The following WDFY2 variants were observed in gnomAD, a reference collection of about 807,000 sequenced individuals.
WDFY2 encodes the protein WD repeat and FYVE domain containing 2.
A neutral mutation model predicts 56.4 loss-of-function variants in WDFY2; 36 were observed. The ratio of observed to expected loss-of-function variants is 0.64; its 90% CI spans 0.49 to 0.84. The LOEUF (loss-of-function observed/expected upper bound fraction) is 0.84, where lower values mean the gene tolerates loss of function less well. WDFY2 is among the 40% of genes least tolerant of loss of function. WDFY2 has a pLI of 0.00. For missense variants in WDFY2, 444 were observed against 512.2 expected (o/e 0.87, Z 1.29); for synonymous variants, 176 against 183.7 (o/e 0.96, Z 0.34).
intron 5 of WDFY2, among the ~76,000 whole-genome samples, chr13:51,721,030 A>G (rs1054719241): frequency 6.6e-6 from 1 of 151,998 alleles, no homozygotes; most frequent in Admixed American, 6.6e-5. Context: ...GGATGTGTTA[A>G]TTAATTTGAC....
chr13:51,661,358 T>A (rs1436211658), intron 2 of WDFY2, among the ~76,000 whole-genome samples: 1 of 152,214 alleles, frequency 6.6e-6, no homozygotes, highest in African/African-American at 2.4e-5. Context: ...CATGTTTATT[T>A]TAGCACAAAA....
chr13:51,657,561 C>T (rs868726231), intron 1 of WDFY2, among the ~76,000 whole-genome samples: 17 of 152,286 alleles, frequency 1.1e-4, no homozygotes, highest in Middle Eastern at 6.8e-3. Flanking sequence ...ATTCATCTGT[C>T]TTACTATAGG....
chr13:51,745,812 G>A (rs931474547), intron 7 of WDFY2, among the ~76,000 whole-genome samples: 4 of 145,638 alleles, frequency 2.7e-5, no homozygotes, highest in Non-Finnish European at 6.0e-5. Context: ...TATTGGTACA[G>A]TAAAGAGTGT....
At chr13:51,757,738 A>T (rs528697728) in intron 10 of WDFY2, among the ~76,000 whole-genome samples, 2 of 152,170 alleles carry the variant, frequency 1.3e-5, no homozygotes, top group Admixed American at 1.3e-4. Flanking sequence ...GTCTTCAGTC[A>T]TACCAGTGAA....
chr13:51,675,374 A>C, intron 3 of WDFY2, 131 bp downstream of exon 3: 1 of 766,606 alleles, frequency 1.3e-6, no homozygotes. Context: ...GCAGCGTAGC[A>C]AATTATGGCG....
At chr13:51,595,848 G>A (rs1393094151) in intron 1 of WDFY2, among the ~76,000 whole-genome samples, 1 of 152,160 alleles carries the variant, frequency 6.6e-6, no homozygotes, top group African/African-American at 2.4e-5. Context: ...GTGGGTATTG[G>A]TAAATTAAGG....
chr13:51,628,093 G>A lies in WDFY2; in HGVS notation c.138-32503G>A, dbSNP rs1954871653. ...TGTCTTGAAGGTGGGGTTTCACTGG[G>A]GACCCACCCCTTTCTGCCCAGGAAC... On this transcript the variant is annotated intron_variant, in intron 1 of 11. Coordinates refer to ENST00000298125, the MANE Select transcript of WDFY2 (RefSeq NM_052950.4). 3.3e-5 allele frequency among the ~76,000 whole-genome samples: 5 copies of A among 152,168 alleles called. No individual in the cohort carries two copies. In the South Asian group the frequency reaches 8.3e-4, roughly 25 times the overall value.
At chr13:51,655,499 C>T (rs144909246) in intron 1 of WDFY2, among the ~76,000 whole-genome samples, 1 of 151,740 alleles carries the variant, frequency 6.6e-6, no homozygotes, top group Admixed American at 6.6e-5. Flanking sequence ...TGATTGATTT[C>T]TCTTATATTG....
At chr13:51,749,676 T>C (rs1005347167) in intron 7 of WDFY2, among the ~76,000 whole-genome samples, 1 of 152,110 alleles carries the variant, frequency 6.6e-6, no homozygotes, top group Non-Finnish European at 1.5e-5. Flanking sequence ...CACTATAGCA[T>C]AGAAAAATAA....
chr13:51,677,763 G>A (rs1348063442), intron 3 of WDFY2, among the ~76,000 whole-genome samples: 1 of 152,022 alleles, frequency 6.6e-6, no homozygotes, highest in East Asian at 1.9e-4. Flanking sequence ...AGGAGAGAGA[G>A]TGTGAGTACT....
chr13:51,594,787 C>A (rs765586621), intron 1 of WDFY2, among the ~76,000 whole-genome samples: 1 of 152,188 alleles, frequency 6.6e-6, no homozygotes, highest in African/African-American at 2.4e-5. Context: ...GGGAGGTTTA[C>A]ATGAGATGAT....
chr13:51,707,811 A>G (rs750521596), intron 4 of WDFY2, among the ~76,000 whole-genome samples: 234 of 152,262 alleles, frequency 1.5e-3, no homozygotes, highest in Middle Eastern at 0.01. Flanking sequence ...GTGCAACAAT[A>G]ACACAAAGAT....
intron 3 of WDFY2, among the ~76,000 whole-genome samples, chr13:51,678,899 C>T (rs1355952498): frequency 6.6e-6 from 1 of 152,112 alleles, no homozygotes; most frequent in African/African-American, 2.4e-5. Context: ...TCTAGGGCAG[C>T]TCCCTGAATA....
At chr13:51,589,715 C>T (rs1696949896) in intron 1 of WDFY2, 1 of 152,182 alleles carries the variant, frequency 6.6e-6, no homozygotes, top group South Asian at 2.1e-4. Flanking sequence ...AGTGAGCGCT[C>T]TGAAGTCAGC....
intron 4 of WDFY2, among the ~76,000 whole-genome samples, chr13:51,718,262 T>C (rs1952404418): frequency 6.6e-6 from 1 of 152,152 alleles, no homozygotes; most frequent in Non-Finnish European, 1.5e-5. Flanking sequence ...TCAGTCTTTG[T>C]TCATTCCAGT....
At chr13:51,729,041 C>T (rs1475098546) in intron 6 of WDFY2, among the ~76,000 whole-genome samples, 5 of 152,202 alleles carry the variant, frequency 3.3e-5, no homozygotes, top group Non-Finnish European at 7.3e-5. Context: ...GTCTCTTCCC[C>T]TGCATCACCT....
intron 9 of WDFY2, 90 bp from the exon 10 acceptor site, chr13:51,756,242 A>C: frequency 6.6e-7 from 1 of 1,526,324 alleles, no homozygotes; most frequent in Non-Finnish European, 8.8e-7. Context: ...GATGCAGTTG[A>C]TTACACCTCT....
At chr13:51,646,164 A>G (rs973310841) in intron 1 of WDFY2, among the ~76,000 whole-genome samples, 4 of 152,140 alleles carry the variant, frequency 2.6e-5, no homozygotes, top group Admixed American at 2.6e-4. Flanking sequence ...GCTGCCCCCA[A>G]ACAAACAAGA....
intron 1 of WDFY2, chr13:51,592,689 A>G (rs895878642): frequency 2.0e-5 from 3 of 152,228 alleles, no homozygotes; most frequent in Non-Finnish European, 2.9e-5. Context: ...AGATTTACTT[A>G]TAACACAGAG....
Sources: gnomAD v4.1 joint callset for allele counts (sites outside exome capture counted in the v4.1 genomes callset) on GRCh38, gnomAD v4.1.1 for gene constraint, MANE v1.5 for transcripts, NCBI Gene and HGNC (gene_info 2026-07-23, HGNC 2026-07-21) for gene names.